Variants in TIAM2 observed in about 807,000 individuals in gnomAD.
TIAM2 encodes TIAM Rac1 associated GEF 2, also known as rho guanine nucleotide exchange factor TIAM2.
A neutral mutation model predicts 152.9 loss-of-function variants in TIAM2; 80 were observed. That is an observed-to-expected ratio of 0.52 (90% confidence interval 0.44 to 0.63). The LOEUF is 0.63. TIAM2 is among the 30% of genes least tolerant of loss of function. The probability of loss-of-function intolerance (pLI) is 0.00; values close to 1 mark genes in which losing one functional copy is unlikely to be tolerated. For synonymous variants in TIAM2, 804 were observed against 838.0 expected (o/e 0.96, Z 0.70); for missense variants, 1,965 against 2,120.1 (o/e 0.93, Z 1.44).
At chr6:155,045,506 G>C (rs1172270946) in intron 1 of TIAM2, among the ~76,000 whole-genome samples, 1 of 151,672 alleles carries the variant, frequency 6.6e-6, no homozygotes, top group South Asian at 2.1e-4. Flanking sequence ...TGTTCTGTTT[G>C]TTCATTATGG....
rs192819680 is a variant in TIAM2, at chr6:155,218,871, C to T, written c.3168+7564C>T. ...TTCTCGACCATCTCAGCCGCCCACCCGTGTTCTTGACCATCTCAGCCGCCC... is the reference window on the plus strand; with the variant it reads ...TTCTCGACCATCTCAGCCGCCCACCTGTGTTCTTGACCATCTCAGCCGCCC... On this transcript the variant is annotated intron_variant, in intron 15 of 26. Coordinates refer to ENST00000682666, the MANE Select transcript of TIAM2 (RefSeq NM_012454.4). The surrounding 1 kb of genome is among the most constrained non-coding windows in gnomAD (Gnocchi z 4.5). 3.4e-5 allele frequency among the ~76,000 whole-genome samples: 5 copies of T among 147,592 alleles called. No individual in the cohort carries two copies. The East Asian group carries it at 6.1e-4, about 18-fold the overall frequency.
rs1457392770 is a variant in TIAM2, at chr6:155,211,888, C to T, written c.3168+581C>T. ...AATAACTCTCTATTTCCCCTGCTTT[C>T]AACTCCCTCATAACTTCTATTCCAC... On this transcript the variant is annotated intron_variant, in intron 15 of 26. Transcript: ENST00000682666. 3.3e-5 allele frequency among the ~76,000 whole-genome samples: 5 copies of T among 152,282 alleles called. No individual in the cohort carries two copies. In the East Asian group the frequency reaches 9.6e-4, roughly 29 times the overall value.
chr6:155,009,558 C>T (rs976345405), intron 1 of TIAM2, among the ~76,000 whole-genome samples: 5 of 152,228 alleles, frequency 3.3e-5, no homozygotes, highest in Admixed American at 3.3e-4. Context: ...GATCCGTAGA[C>T]GTCATTCAGC....
intron 14 of TIAM2, among the ~76,000 whole-genome samples, chr6:155,195,448 G>T (rs1341438707): frequency 2.0e-5 from 3 of 152,098 alleles, no homozygotes; most frequent in African/African-American, 7.2e-5. Context: ...ACTTTTCTCT[G>T]GTTTATCAAG....
chr6:155,012,771 G>A (rs574929520), intron 1 of TIAM2, among the ~76,000 whole-genome samples: 345 of 152,230 alleles, frequency 2.3e-3, no homozygotes, highest in Admixed American at 4.1e-3. Context: ...GGCTGGTCTC[G>A]AACTCCTGAC....
intron 14 of TIAM2, 71 bp from the exon 15 acceptor site, chr6:155,211,133 C>A: frequency 1.5e-6 from 2 of 1,365,712 alleles, no homozygotes; most frequent in Non-Finnish European, 2.0e-6. Context: ...TCCATGTGAG[C>A]CTTTAAACCG....
rs530820612 is a variant in TIAM2, at chr6:155,074,934, G to T, written c.-208-15355G>T. Among the ~76,000 whole-genome samples, 265 of 151,980 alleles carry T rather than the reference G, an allele frequency of 1.7e-3. 2 individuals are homozygous for T. The highest frequency in any genetic ancestry group is 6.1e-3 in the African/African-American group (254 of 41,440). ...GGGACCTTCTGACCACAGCGCTGGGGAGTCAGAGGGTGGAGGGGCAGCTGG... is the reference window on the plus strand; with the variant it reads ...GGGACCTTCTGACCACAGCGCTGGGTAGTCAGAGGGTGGAGGGGCAGCTGG... On this transcript the variant is annotated intron_variant, in intron 1 of 26. Coordinates refer to ENST00000682666, the MANE Select transcript of TIAM2 (RefSeq NM_012454.4).
At chr6:155,038,139 G>A (rs1035616818) in intron 1 of TIAM2, among the ~76,000 whole-genome samples, 6 of 152,176 alleles carry the variant, frequency 3.9e-5, no homozygotes, top group African/African-American at 1.4e-4. Context: ...TTTTCCCAAA[G>A]TGAACACACC....
chr6:155,226,421 G>T (rs1443148941), intron 15 of TIAM2, among the ~76,000 whole-genome samples: 4 of 152,174 alleles, frequency 2.6e-5, no homozygotes, highest in African/African-American at 9.6e-5. Context: ...TGTAATCCCA[G>T]TACTTTGGGA....
chr6:155,159,092 GTCTT>G (rs758758045), intron 7 of TIAM2, among the ~76,000 whole-genome samples: 1 of 151,798 alleles, frequency 6.6e-6, no homozygotes, highest in East Asian at 1.9e-4. Context: ...ATGTATCTTT[GTCTT>G]TCTTTTATGT....
At chr6:155,173,030 A>G (rs1430060644) in intron 9 of TIAM2, among the ~76,000 whole-genome samples, 1 of 152,084 alleles carries the variant, frequency 6.6e-6, no homozygotes, top group African/African-American at 2.4e-5. Flanking sequence ...AAATGGGCAA[A>G]GCTTACAACA....
rs551348401 is a variant in TIAM2 at position 155,006,784 on chromosome 6, G to T, written c.-209+11292G>T. Among the ~76,000 whole-genome samples, 4 of 151,926 alleles carry T rather than the reference G, an allele frequency of 2.6e-5. No individual in the cohort carries two copies. The East Asian group carries it at 7.8e-4, about 30-fold the overall frequency. ...GCTCACCACAACCTCCACCTCCCGG[G>T]TTCAAGCGATTCTCCTGCCTCAGCC... On this transcript the variant is annotated intron_variant, in intron 1 of 26. Coordinates refer to ENST00000682666, the MANE Select transcript of TIAM2 (RefSeq NM_012454.4).
At position 155,165,523 on chromosome 6, in the gene TIAM2, G is replaced by C. The variant is rs567492377; in HGVS notation, c.2361+114G>C. The C allele has an allele frequency of 3.6e-5, 51 of 1,421,912 alleles. No individual in the cohort carries two copies. In the South Asian group the frequency reaches 6.8e-4, roughly 19 times the overall value. The allele number at this position is 1,421,912 out of a possible 1,614,324, so 88.1% of individuals were successfully genotyped here. On this transcript the variant is annotated intron_variant, in intron 9 of 26. Transcript: ENST00000682666. ...CTCTGTTAAGAATGAAATGAGGCGA[G>C]GTGGGGTGGCTCACGCCTGTAATTC...
chr6:155,244,915 C>G lies in TIAM2; in HGVS notation c.3543+132C>G, dbSNP rs1775682560. The G allele has an allele frequency of 9.5e-6, 11 of 1,154,844 alleles. No individual in the cohort carries two copies. In the South Asian group the frequency reaches 2.3e-4, roughly 25 times the overall value. 71.5% of individuals were successfully genotyped at this position (1,154,844 alleles called of 1,614,324 possible). ...ACTATTTATTGTCCTGTGACTATTT[C>G]CTTGCACCGTTTTCCTCTGTCAGGT... On this transcript the variant is annotated intron_variant, in intron 18 of 26. Coordinates refer to ENST00000682666, the MANE Select transcript of TIAM2 (RefSeq NM_012454.4).
At chr6:155,240,817 AG>A (rs374406442) in intron 16 of TIAM2, 108 bp downstream of exon 16, 61 of 1,146,220 alleles carry the variant, frequency 5.3e-5, no homozygotes, top group Middle Eastern at 2.5e-4. Flanking sequence ...GCCACTCCCC[AG>A]GGGGGGACAC....
chr6:155,057,102 C>T (rs948135136), intron 1 of TIAM2, among the ~76,000 whole-genome samples: 2 of 125,850 alleles, frequency 1.6e-5, no homozygotes, highest in African/African-American at 5.9e-5. Flanking sequence ...AATCTCGGTT[C>T]ACTGCATCCT....
intron 2 of TIAM2, among the ~76,000 whole-genome samples, chr6:155,090,960 A>C (rs983555242): frequency 6.6e-6 from 1 of 152,144 alleles, no homozygotes; most frequent in Non-Finnish European, 1.5e-5. Context: ...GGAAAGCTGA[A>C]CAGTTCCCCA....
At chr6:155,022,160 A>G (rs1361549402) in intron 1 of TIAM2, among the ~76,000 whole-genome samples, 2 of 152,184 alleles carry the variant, frequency 1.3e-5, no homozygotes, top group Non-Finnish European at 1.5e-5. Flanking sequence ...TTTTCTATAA[A>G]ATCATTTGAG....
chr6:155,013,281 G>T (rs1458456555), intron 1 of TIAM2, among the ~76,000 whole-genome samples: 1 of 152,094 alleles, frequency 6.6e-6, no homozygotes, highest in African/African-American at 2.4e-5. Context: ...GAAAATCTCT[G>T]TCTGCTTATT....
Sources: gnomAD v4.1 joint callset for allele counts (sites outside exome capture counted in the v4.1 genomes callset) on GRCh38, gnomAD v4.1.1 for gene constraint, Gnocchi (gnomAD v3.1) non-coding constraint, MANE v1.5 for transcripts, NCBI Gene and HGNC (gene_info 2026-07-23, HGNC 2026-07-21) for gene names.